Variants in CABYR observed in about 807,000 individuals in gnomAD.
CABYR encodes calcium-binding tyrosine phosphorylation-regulated protein.
CABYR carries 31 observed loss-of-function variants against 36.1 expected under a neutral mutation model. The observed-to-expected ratio is 0.86, with a 90% CI of 0.64 to 1.16. The LOEUF (loss-of-function observed/expected upper bound fraction) is 1.16. Ranked by LOEUF, CABYR falls within the 50% of genes most tolerant of loss-of-function variation. The pLI is 0.00. For synonymous variants in CABYR, 146 were observed against 160.7 expected (o/e 0.91, Z 0.69); for missense variants, 429 against 455.8 (o/e 0.94, Z 0.53).
chr18:24,156,572 A>G (rs759573884), intron 4 of CABYR: 2 of 1,614,116 alleles, frequency 1.2e-6, no homozygotes, highest in Admixed American at 3.3e-5. Context: ...GCATGTCTAA[A>G]AAATCTGTAG....
intron 4 of CABYR, among the ~76,000 whole-genome samples, chr18:24,158,001 GATT>G (rs1360611349): frequency 6.6e-6 from 1 of 152,240 alleles, no homozygotes; most frequent in African/African-American, 2.4e-5. Context: ...GTGTGACAGG[GATT>G]CTGCACAGCT....
rs200976954 is a variant in CABYR at position 24,143,137 on chromosome 18, T to G, written c.23T>G (p.Leu8Arg). Residue 8 changes from leucine to arginine, a missense_variant, in exon 2 of 6, where the codon CTT becomes CGT. Coordinates refer to ENST00000399496, the MANE Select transcript of CABYR (RefSeq NM_153769.3). MISSKPRLVVPYGLKTLL... is the reference protein window; with the variant it reads MISSKPRRVVPYGLKTLL... ...AAAATGATTTCTTCAAAGCCCAGAC[T>G]TGTCGTACCCTATGGCCTCAAGACT... 2 of 1,611,328 alleles carry G rather than the reference T, an allele frequency of 1.2e-6. No homozygotes were observed. The highest frequency in any genetic ancestry group is 3.4e-5 in the Admixed American group (2 of 59,396).
At chr18:24,141,615 G>A (rs1325308711) in intron 1 of CABYR, among the ~76,000 whole-genome samples, 1 of 152,160 alleles carries the variant, frequency 6.6e-6, no homozygotes, top group East Asian at 1.9e-4. Flanking sequence ...GCATTGGAGT[G>A]CTAACTTTAC....
At chr18:24,144,517 C>T (rs2085411792) in intron 3 of CABYR, among the ~76,000 whole-genome samples, 1 of 152,218 alleles carries the variant, frequency 6.6e-6, no homozygotes, top group African/African-American at 2.4e-5. Flanking sequence ...TAATTCCAGC[C>T]TTTTGGAGGC....
At chr18:24,156,300 G>A (rs764528395) in intron 4 of CABYR, 2 of 1,614,056 alleles carry the variant, frequency 1.2e-6, no homozygotes, top group Non-Finnish European at 1.7e-6. Context: ...CTTGCAGGAT[G>A]AACAAGAACC....
chr18:24,149,296 C>T (rs542618081), intron 3 of CABYR, among the ~76,000 whole-genome samples: 5 of 150,834 alleles, frequency 3.3e-5, no homozygotes, highest in African/African-American at 9.8e-5. Context: ...AGGTTCTCTA[C>T]GGCCCCACCA....
At position 24,156,813 on chromosome 18, in the gene CABYR, G is replaced by A. The variant is rs199508229; in HGVS notation, c.541+771G>A. 1.7e-5 allele frequency: 28 copies of A among 1,613,982 alleles called. No homozygotes were observed. The highest frequency in any genetic ancestry group is 2.2e-5 in the East Asian group (1 of 44,898). On this transcript the variant is annotated intron_variant, in intron 4 of 5. Transcript: ENST00000399496. ...CAATACTGGGCAGGAGGAGTCTGGGGAAAACTCTGTACCCCAGGAGATGGA... is the reference window on the plus strand; with the variant it reads ...CAATACTGGGCAGGAGGAGTCTGGGAAAAACTCTGTACCCCAGGAGATGGA...
At chr18:24,161,115 G>A (rs1599407992) in intron 5 of CABYR, among the ~76,000 whole-genome samples, 1 of 152,204 alleles carries the variant, frequency 6.6e-6, no homozygotes. Context: ...AGAGGAAGTA[G>A]GGAGATGAGT....
In CABYR at chr18:24,155,953, C is replaced by T. The variant is rs766944130; in HGVS notation, c.452C>T (p.Thr151Ile). ...SSKPATPKTT[T>I]PPSSPPPTAV... ...AAACCAGCCACCCCTAAGACTACTA[C>T]CCCACCCTCATCACCACCTCCAACA... Residue 151 changes from threonine to isoleucine, a missense_variant, in exon 4 of 6, where the codon ACC becomes ATC. By Grantham distance (89) the Thr-to-Ile change is moderately conservative (BLOSUM62 -1). Coordinates refer to ENST00000399496, the MANE Select transcript of CABYR (RefSeq NM_153769.3). 1 of 1,614,186 alleles carries T rather than the reference C, an allele frequency of 6.2e-7. No homozygotes were observed.
intron 3 of CABYR, among the ~76,000 whole-genome samples, chr18:24,149,147 G>C (rs112809547): frequency 1.1e-4 from 16 of 152,218 alleles, no homozygotes; most frequent in African/African-American, 3.6e-4. Flanking sequence ...GGCCCCACCA[G>C]AGTAGCTAGA....
chr18:24,161,390 G>T lies in CABYR; in HGVS notation c.*-126G>T, dbSNP rs1268282968. ...GGATATTTCAGTGCAAAAGCCCATAGGTAACTAGTTAAGCTTAGTAACAGA... is the reference window on the plus strand; with the variant it reads ...GGATATTTCAGTGCAAAAGCCCATATGTAACTAGTTAAGCTTAGTAACAGA... On this transcript the variant is annotated intron_variant, in intron 5 of 5. Transcript: ENST00000399496. 4 of 623,534 alleles carry T rather than the reference G, an allele frequency of 6.4e-6. No homozygotes were observed. The African/African-American group carries it at 7.4e-5, about 11-fold the overall frequency. The allele number at this position is 623,534 out of a possible 1,614,324, so 38.6% of individuals were successfully genotyped here. A position where few individuals can be genotyped will look rare whatever the true frequency, so the allele number is the denominator to read the frequency against.
chr18:24,156,487 A>G lies in CABYR; in HGVS notation c.541+445A>G, dbSNP rs748201105. 6.2e-6 allele frequency: 10 copies of G among 1,613,680 alleles called. No individual in the cohort carries two copies. Among genetic ancestry groups the G allele is most frequent in the Admixed American group, 1.7e-5 (1 of 59,902 alleles). ...ACTGATCAAGTTGCTTGTCTTAAAG[A>G]AAATGAGCAGTCAAAAGAAAATGAG... On this transcript the variant is annotated intron_variant, in intron 4 of 5. Transcript: ENST00000399496.
intron 3 of CABYR, chr18:24,150,439 T>C: frequency 4.3e-6 from 1 of 230,590 alleles, no homozygotes; most frequent in Non-Finnish European, 7.2e-6. Flanking sequence ...CCCATACATA[T>C]TTCAGTCACT....
rs187819011 is a variant in CABYR, at chr18:24,158,894, T to A, written c.542-578T>A. Among the ~76,000 whole-genome samples the A allele has an allele frequency of 4.6e-5, 7 of 152,202 alleles. No individual in the cohort carries two copies. In the East Asian group the frequency reaches 1.4e-3, roughly 29 times the overall value. ...GCCAGCCTTTTACTGCCACCTAGGA[T>A]CTATGATTTCAAGTCTTGCCTAAAA... On this transcript the variant is annotated intron_variant, in intron 4 of 5. Transcript: ENST00000399496.
intron 4 of CABYR, chr18:24,157,123 G>C (rs2145883139): frequency 1.4e-6 from 1 of 690,256 alleles, no homozygotes; most frequent in East Asian, 2.7e-5. Flanking sequence ...TTTTTTAAAT[G>C]CCAAAGCCAT....
chr18:24,150,271 G>A (rs1381901114), intron 3 of CABYR, among the ~76,000 whole-genome samples: 3 of 152,242 alleles, frequency 2.0e-5, no homozygotes, highest in East Asian at 3.8e-4. Context: ...GGGGCATGGC[G>A]TGGGAGAGAT....
intron 3 of CABYR, among the ~76,000 whole-genome samples, chr18:24,149,171 T>C (rs899923384): frequency 1.3e-4 from 20 of 151,942 alleles, no homozygotes; most frequent in Non-Finnish European, 2.5e-4. Flanking sequence ...AGAGTGTCGA[T>C]TGGTGCATTC....
intron 4 of CABYR, among the ~76,000 whole-genome samples, chr18:24,157,256 T>C (rs549810654): frequency 2.0e-5 from 3 of 152,318 alleles, no homozygotes; most frequent in Non-Finnish European, 2.9e-5. Context: ...TTTGGACATA[T>C]TATGTAGTCA....
Position 24,155,798 on chromosome 18 carries a change from G to A in CABYR, c.297G>A (p.Met99Ile), listed in dbSNP as rs768795201. The part of the protein sequence containing the change: ...TSVESKVPTQ[M>I]EKSTDTDEDN... The stretch of plus-strand genomic sequence containing the variant: ...TAGAATCTAAAGTACCTACCCAGAT[G>A]GAAAAATCTACAGACACAGACGAGG... Residue 99 changes from methionine (M) to isoleucine (I), a missense_variant, in exon 4 of 6, where the codon ATG becomes ATA. By Grantham distance (10) the Met-to-Ile change is conservative. Coordinates refer to ENST00000399496, the MANE Select transcript of CABYR (RefSeq NM_153769.3). The A allele has an allele frequency of 3.7e-6, 6 of 1,614,082 alleles. No individual in the cohort carries two copies. In the East Asian group the frequency reaches 1.1e-4, roughly 30 times the overall value.
Sources: gnomAD v4.1 joint callset for allele counts (sites outside exome capture counted in the v4.1 genomes callset) on GRCh38, gnomAD v4.1.1 for gene constraint, MANE v1.5 for transcripts, NCBI Gene and HGNC (gene_info 2026-07-23, HGNC 2026-07-21) for gene names.